CADM2: variants seen among roughly 807,000 people sequenced by gnomAD.
CADM2 encodes the protein cell adhesion molecule 2.
CADM2 carries 12 observed loss-of-function variants against 49.8 expected under a neutral mutation model. The observed-to-expected ratio is 0.24, with a 90% CI of 0.15 to 0.39. CADM2 has a LOEUF of 0.39. CADM2 is among the 10% of genes least tolerant of loss of function. The pLI, the probability that CADM2 is intolerant of heterozygous loss-of-function variation, is 1.00. For missense variants in CADM2, 378 were observed against 492.3 expected (o/e 0.77, Z 2.20); for synonymous variants, 214 against 175.4 (o/e 1.22, Z -1.74).
intron 6 of CADM2, among the ~76,000 whole-genome samples, chr3:85,926,204 A>C (rs1347151445): frequency 1.3e-5 from 2 of 151,704 alleles, no homozygotes; most frequent in African/African-American, 4.8e-5. Context: ...AGTAAATGTA[A>C]ATATTTTAAA....
At chr3:85,009,570 A>C (rs2033888257) in intron 1 of CADM2, among the ~76,000 whole-genome samples, 2 of 152,158 alleles carry the variant, frequency 1.3e-5, no homozygotes, top group Non-Finnish European at 1.5e-5. Flanking sequence ...TTAATTTTTG[A>C]AAATATGTAG....
intron 1 of CADM2, among the ~76,000 whole-genome samples, chr3:85,657,629 T>C (rs992943905): frequency 1.0e-4 from 15 of 150,286 alleles, no homozygotes; most frequent in African/African-American, 3.7e-4. Flanking sequence ...GCAACAATTA[T>C]TTGTATACAT....
rs1462125317 is a variant in CADM2 at position 85,244,967 on chromosome 3, A to C, written c.61+285299A>C. Among the ~76,000 whole-genome samples the C allele has an allele frequency of 3.9e-5, 6 of 152,290 alleles. No individual in the cohort carries two copies. In the East Asian group the frequency reaches 1.2e-3, roughly 29 times the overall value. ...TTCCCTATTATTTTATCTATTTTAC[A>C]AAAGACTAAAATGACACCTGCAATA... On this transcript the variant is annotated intron_variant, in intron 1 of 9. Coordinates refer to ENST00000383699, the MANE Select transcript of CADM2 (RefSeq NM_001167675.2).
At chr3:85,815,431 C>G (rs1251234977) in intron 3 of CADM2, among the ~76,000 whole-genome samples, 1 of 152,122 alleles carries the variant, frequency 6.6e-6, no homozygotes, top group African/African-American at 2.4e-5. Flanking sequence ...GGATGCAAGG[C>G]TGGTTCAACA....
rs2107473704 is a variant in CADM2, at chr3:86,073,904, G to A, written c.*7121G>A. 1 of 151,910 alleles carries A rather than the reference G, an allele frequency of 6.6e-6. No individual in the cohort carries two copies. The highest frequency in any genetic ancestry group is 3.4e-3 in the Middle Eastern group (1 of 292). The allele number at this position is 151,910 out of a possible 1,614,324, so 9.4% of individuals were successfully genotyped here. ...TGGAAGTTTTAAAAATTAAGCATCA[G>A]TAAAATAAATGTTATCTTATTTGTA... is the stretch of plus-strand genomic sequence containing the variant. On this transcript the variant is annotated 3_prime_UTR_variant, in exon 10 of 10. Coordinates refer to ENST00000383699, the MANE Select transcript of CADM2 (RefSeq NM_001167675.2).
intron 3 of CADM2, among the ~76,000 whole-genome samples, chr3:85,827,269 T>A (rs1484728984): frequency 6.6e-6 from 1 of 152,010 alleles, no homozygotes; most frequent in Non-Finnish European, 1.5e-5. Context: ...TAGCAGTGCT[T>A]GTAGAAATTG....
chr3:85,690,937 C>T (rs1172132486), intron 1 of CADM2, among the ~76,000 whole-genome samples: 2 of 152,154 alleles, frequency 1.3e-5, no homozygotes, highest in African/African-American at 4.8e-5. Flanking sequence ...TCAAAATCCT[C>T]TCTTCTAGCT....
At chr3:85,430,150 T>C (rs2036594764) in intron 1 of CADM2, among the ~76,000 whole-genome samples, 2 of 152,254 alleles carry the variant, frequency 1.3e-5, no homozygotes, top group Admixed American at 1.3e-4. Flanking sequence ...AATAAGCATG[T>C]GCAAGGGCAT....
chr3:85,541,770 ATATTT>A (rs2061550926), intron 1 of CADM2, among the ~76,000 whole-genome samples: 1 of 7,506 alleles, frequency 1.3e-4, no homozygotes, highest in Non-Finnish European at 6.8e-4. Context: ...TATATATTTT[ATATTT>A]TATATATATA....
chr3:85,374,145 A>G (rs1332072993), intron 1 of CADM2, among the ~76,000 whole-genome samples: 2 of 152,212 alleles, frequency 1.3e-5, no homozygotes, highest in East Asian at 1.9e-4. Context: ...CCTTTTAAAC[A>G]TAAGTTCCAA....
intron 1 of CADM2, among the ~76,000 whole-genome samples, chr3:85,602,099 C>G (rs565088498): frequency 6.6e-6 from 1 of 151,824 alleles, no homozygotes; most frequent in South Asian, 2.1e-4. Flanking sequence ...CAATTTTTTA[C>G]TTTTTCTTCA....
intron 1 of CADM2, among the ~76,000 whole-genome samples, chr3:84,994,008 G>A (rs536539598): frequency 5.9e-5 from 9 of 152,060 alleles, no homozygotes; most frequent in East Asian, 1.9e-4. Context: ...AGGACCTGCC[G>A]AACATCCTTT....
intron 8 of CADM2, among the ~76,000 whole-genome samples, chr3:86,034,701 C>T (rs73843579): frequency 0.021 from 3,120 of 152,010 alleles, 89 homozygotes; most frequent in African/African-American, 0.062. Context: ...TTTTTAGTTT[C>T]CCAATGGAAA....
intron 5 of CADM2, among the ~76,000 whole-genome samples, chr3:85,909,459 A>G (rs1182765608): frequency 1.3e-5 from 2 of 151,700 alleles, no homozygotes; most frequent in East Asian, 3.9e-4. Context: ...CAATTAAAAA[A>G]TAACAAGAGA....
intron 3 of CADM2, among the ~76,000 whole-genome samples, chr3:85,803,622 G>A: frequency 6.6e-6 from 1 of 152,194 alleles, no homozygotes; most frequent in Admixed American, 6.5e-5. Context: ...CTGGTAGGCT[G>A]GAGACCCAAA....
chr3:85,718,374 G>C (rs1247617380), intron 1 of CADM2, among the ~76,000 whole-genome samples: 1 of 152,106 alleles, frequency 6.6e-6, no homozygotes, highest in Non-Finnish European at 1.5e-5. Flanking sequence ...ACTTCCTTAA[G>C]GCTTTTGTAA....
chr3:85,464,132 A>G (rs528818830), intron 1 of CADM2, among the ~76,000 whole-genome samples: 6 of 152,126 alleles, frequency 3.9e-5, no homozygotes, highest in Admixed American at 1.3e-4. Flanking sequence ...GTGAATAATG[A>G]GACCTAGTTA....
intron 2 of CADM2, among the ~76,000 whole-genome samples, chr3:85,778,614 C>T (rs2107983365): frequency 6.6e-6 from 1 of 152,300 alleles, no homozygotes; most frequent in African/African-American, 2.4e-5. Context: ...TGAGGCCTCT[C>T]AACCATGCAG....
intron 1 of CADM2, among the ~76,000 whole-genome samples, chr3:85,561,660 G>C (rs2062097601): frequency 6.6e-6 from 1 of 152,152 alleles, no homozygotes; most frequent in Non-Finnish European, 1.5e-5. Context: ...TGTCTTCTAT[G>C]AGCAGCTATT....
Sources: gnomAD v4.1 joint callset for allele counts (sites outside exome capture counted in the v4.1 genomes callset) on GRCh38, gnomAD v4.1.1 for gene constraint, MANE v1.5 for transcripts, NCBI Gene and HGNC (gene_info 2026-07-23, HGNC 2026-07-21) for gene names.